The following TNFAIP3 variants were observed in gnomAD, a reference collection of about 807,000 sequenced individuals.
TNFAIP3 encodes tumor necrosis factor alpha-induced protein 3.
TNFAIP3 carries 9 observed loss-of-function variants against 72.4 expected under a neutral mutation model. That is an observed-to-expected ratio of 0.12 (90% CI 0.07 to 0.22). TNFAIP3 has a LOEUF of 0.22. Among genes scored for constraint, TNFAIP3 ranks in the 10% least tolerant of loss-of-function variants. The pLI is 1.00. For synonymous variants in TNFAIP3, 339 were observed against 372.6 expected, an observed-to-expected ratio of 0.91 and a Z score of 1.04; for missense variants, 833 against 1,018.7, an observed-to-expected ratio of 0.82 and a Z score of 2.48.
Position 137,867,619 on chromosome 6 carries a change from A to AC in TNFAIP3, c.-16+82dup, listed in dbSNP as rs1216349863. On this transcript the variant is annotated intron_variant, in intron 1 of 8. Transcript: ENST00000612899. The surrounding 1 kb of genome is among the most constrained non-coding windows in gnomAD (Gnocchi z 6.0). ...GGCTGCGGGTGCATGTTGGGCAGCG[A>AC]CCCCCGGGCTGGCACCGTCTACCTG... is the stretch of plus-strand genomic sequence containing the variant. 2.6e-5 allele frequency: 4 copies of AC among 152,092 alleles called. No individual in the cohort carries two copies. Among genetic ancestry groups the AC allele is most frequent in the Non-Finnish European group, 5.9e-5 (4 of 68,182 alleles). 9.4% of individuals were successfully genotyped at this position (152,092 alleles called of 1,614,324 possible). A position where few individuals can be genotyped will look rare whatever the true frequency, so the allele number is the denominator to read the frequency against.
rs536429885 is a variant in TNFAIP3 at position 137,881,628 on chromosome 6, C to T, written c.*309C>T. 5.4e-4 allele frequency: 185 copies of T among 341,404 alleles called. 1 individual carries two copies. The Middle Eastern group carries it at 7.4e-3, about 14-fold the overall frequency. The allele number at this position is 341,404 out of a possible 1,614,324, so 21.1% of individuals were successfully genotyped here. A position where few individuals can be genotyped will look rare whatever the true frequency, so the allele number is the denominator to read the frequency against. ...TTTGGACTTGGAAGGTGTGCGGGGA[C>T]TGGCCGAGGCCCCTGCACCCTGCGC... On this transcript the variant is annotated 3_prime_UTR_variant, in exon 9 of 9. Coordinates refer to ENST00000612899, the MANE Select transcript of TNFAIP3 (RefSeq NM_001270508.2). The surrounding 1 kb of genome is among the most constrained non-coding windows in gnomAD (Gnocchi z 5.0).
At position 137,871,062 on chromosome 6, in the gene TNFAIP3, A is replaced by C; in HGVS notation, c.-15-151A>C. The C allele has an allele frequency of 7.9e-6, 5 of 630,150 alleles. No homozygotes were observed. The highest frequency in any genetic ancestry group is 1.1e-5 in the Non-Finnish European group (4 of 372,238). 39.0% of individuals were successfully genotyped at this position (630,150 alleles called of 1,614,324 possible). ...TGTGAGTTAATCTCTGGGGCCAGCT[A>C]GTATCCCGGGAGTAGAGGTGCTAAG... On this transcript the variant is annotated intron_variant, in intron 1 of 8. Coordinates refer to ENST00000612899, the MANE Select transcript of TNFAIP3 (RefSeq NM_001270508.2). The surrounding 1 kb of genome is among the most constrained non-coding windows in gnomAD (Gnocchi z 4.2).
chr6:137,875,524 C>T (rs370763021), intron 3 of TNFAIP3, among the ~76,000 whole-genome samples, 164 bp from the exon 4 acceptor site: 8 of 151,628 alleles, frequency 5.3e-5, no homozygotes, highest in East Asian at 1.9e-4. Context: ...GGAAGAAAAC[C>T]GAAATGGGGA....
At position 137,878,677 on chromosome 6, in the gene TNFAIP3, G is replaced by A. The variant is rs587778713; in HGVS notation, c.1232G>A (p.Arg411Gln). ...TTATGCCATGAGTGCTCAGAGAGGC[G>A]GCAAAAGAATCAAAACAAACTCCCA... is the stretch of plus-strand genomic sequence containing the variant. The part of the protein sequence containing the change: ...QPLCHECSER[R>Q]QKNQNKLPKL... Residue 411 changes from arginine (R) to glutamine (Q), a missense_variant, in exon 7 of 9, where the codon CGG becomes CAG. Physicochemically the swap from Arg to Gln is conservative, Grantham distance 43 (BLOSUM62 1). This residue lies in a region of TNFAIP3 where 587 missense variants were observed against 657.8 expected (regional missense o/e 0.89). Coordinates refer to ENST00000612899, the MANE Select transcript of TNFAIP3 (RefSeq NM_001270508.2). 78 of 1,613,984 alleles carry A rather than the reference G, an allele frequency of 4.8e-5. No individual in the cohort carries two copies. The highest frequency in any genetic ancestry group is 2.9e-4 in the South Asian group (26 of 91,082).
In TNFAIP3 at chr6:137,876,401, G is replaced by C. The variant is rs149048987; in HGVS notation, c.805+235G>C. The C allele has an allele frequency of 3.6e-3, 1,608 of 448,874 alleles. 19 individuals carry two copies. Among genetic ancestry groups the C allele is most frequent in the African/African-American group, 0.028 (1,387 of 49,986 alleles). 27.8% of individuals were successfully genotyped at this position (448,874 alleles called of 1,614,324 possible). A position where few individuals can be genotyped will look rare whatever the true frequency, so the allele number is the denominator to read the frequency against. On this transcript the variant is annotated intron_variant, in intron 5 of 8. Coordinates refer to ENST00000612899, the MANE Select transcript of TNFAIP3 (RefSeq NM_001270508.2). Reference sequence around the variant, plus strand: ...TACATGATAAATTAAGGCGCACAGTGCTCTTAATACAGTGCCTGGTATGGA... The same window carrying C: ...TACATGATAAATTAAGGCGCACAGTCCTCTTAATACAGTGCCTGGTATGGA...
chr6:137,875,609 T>C (rs1159740546), intron 3 of TNFAIP3, 79 bp from the exon 4 acceptor site: 5 of 1,490,628 alleles, frequency 3.4e-6, no homozygotes, highest in African/African-American at 1.4e-5. Flanking sequence ...TGAATAATTG[T>C]AGAGTGATGT....
At chr6:137,872,977 A>G (rs1466636561) in intron 2 of TNFAIP3, among the ~76,000 whole-genome samples, 1 of 152,188 alleles carries the variant, frequency 6.6e-6, no homozygotes, top group Non-Finnish European at 1.5e-5. Flanking sequence ...ACTAGAAAAA[A>G]AAAAGGAATA....
At chr6:137,875,450 T>A (rs61249575) in intron 3 of TNFAIP3, among the ~76,000 whole-genome samples, 8,231 of 152,224 alleles carry the variant, frequency 0.054, 279 homozygotes, top group African/African-American at 0.086. Flanking sequence ...GATTTTTTTT[T>A]AAAGCAGGTG....
Position 137,878,818 on chromosome 6 carries a change from A to C in TNFAIP3, c.1373A>C (p.His458Pro). 6.2e-7 allele frequency: 1 copy of C among 1,614,104 alleles called. No homozygotes were observed. The highest frequency in any genetic ancestry group is 8.5e-7 in the Non-Finnish European group (1 of 1,180,024). ...WNPEESTGGP[H>P]SAPPTAPSPF... Reference sequence around the variant, plus strand: ...CCTGAGGAGTCCACTGGGGGGCCTCATTCGGCCCCACCGACAGCACCCAGC... The same window carrying C: ...CCTGAGGAGTCCACTGGGGGGCCTCCTTCGGCCCCACCGACAGCACCCAGC... The change falls in exon 7 of 9, where the codon CAT (histidine) becomes CCT (proline). Residue 458 changes from histidine (H) to proline (P), a missense_variant. Physicochemically the swap from His to Pro is moderately conservative, Grantham distance 77. Around this residue, in one of 2 missense-constraint regions of TNFAIP3, gnomAD observed 587 missense variants for 657.8 expected, o/e 0.89. Coordinates refer to ENST00000612899, the MANE Select transcript of TNFAIP3 (RefSeq NM_001270508.2).
rs2114498711 is a variant in TNFAIP3 at position 137,878,711 on chromosome 6, C to T, written c.1266C>T (p.Asn422=). The part of the protein sequence containing the change: ...QKNQNKLPKL[N]SKPGPEGLPG... Reference sequence around the variant, plus strand: ...ATCAAAACAAACTCCCAAAGCTGAACTCCAAGCCGGGCCCTGAGGGGCTCC... The same window carrying T: ...ATCAAAACAAACTCCCAAAGCTGAATTCCAAGCCGGGCCCTGAGGGGCTCC... The change falls in exon 7 of 9, where the codon AAC becomes AAT. Residue 422 remains asparagine (N), a synonymous_variant. Coordinates refer to ENST00000612899, the MANE Select transcript of TNFAIP3 (RefSeq NM_001270508.2). 6.2e-7 allele frequency: 1 copy of T among 1,614,128 alleles called. No homozygotes were observed. The highest frequency in any genetic ancestry group is 2.2e-5 in the East Asian group (1 of 44,874).
chr6:137,880,086 C>T lies in TNFAIP3; in HGVS notation c.1922C>T (p.Ser641Leu). 1 of 1,614,092 alleles carries T rather than the reference C, an allele frequency of 6.2e-7. No homozygotes were observed. The highest frequency in any genetic ancestry group is 1.1e-5 in the South Asian group (1 of 91,070). The part of the protein sequence containing the change: ...YRENKHFAAA[S>L]GKVSPTASRF... ...TCTCATGTAGATTTTGCTGCTGCCT[C>T]AGGGAAAGTCAGTCCCACAGCGTCC... The change falls in exon 8 of 9, where the codon TCA becomes TTA. Residue 641 changes from serine to leucine, a missense_variant. Ser to Leu is a moderately radical substitution (Grantham distance 145). Coordinates refer to ENST00000612899, the MANE Select transcript of TNFAIP3 (RefSeq NM_001270508.2).
intron 6 of TNFAIP3, among the ~76,000 whole-genome samples, chr6:137,877,458 G>C (rs921804551): frequency 2.6e-5 from 4 of 152,202 alleles, no homozygotes; most frequent in African/African-American, 7.2e-5. Context: ...ATCAAAACAT[G>C]TCATTTATCC....
chr6:137,877,384 C>A, intron 6 of TNFAIP3, 128 bp downstream of exon 6: 1 of 714,478 alleles, frequency 1.4e-6, no homozygotes, highest in Non-Finnish European at 2.2e-6. Context: ...CAATGGGAAA[C>A]AAATTCAGAG....
chr6:137,876,930 GT>G (rs1776270735), intron 5 of TNFAIP3, 145 bp from the exon 6 acceptor site: 1 of 587,350 alleles, frequency 1.7e-6, no homozygotes, highest in African/African-American at 1.9e-5. Flanking sequence ...AGCACATTTT[GT>G]TTTCCCATTT....
At chr6:137,872,872 C>T (rs897038519) in intron 2 of TNFAIP3, among the ~76,000 whole-genome samples, 1 of 151,802 alleles carries the variant, frequency 6.6e-6, no homozygotes, top group Admixed American at 6.6e-5. Context: ...AAAGATTCTG[C>T]TGAATTAAAA....
rs1209684809 is a variant in TNFAIP3 at position 137,881,220 on chromosome 6, C to A, written c.2274C>A (p.Pro758=). 2 of 1,611,326 alleles carry A rather than the reference C, an allele frequency of 1.2e-6. No individual in the cohort carries two copies. The highest frequency in any genetic ancestry group is 1.7e-6 in the Non-Finnish European group (2 of 1,178,998). ...GTGAGCCTGCCCCCGAAGACCCCCC[C>A]AAGCAGCGTTGCCGGGCCCCCGCCT... ...HRGEPAPEDP[P]KQRCRAPACD... The change falls in exon 9 of 9, where the codon CCC becomes CCA. Residue 758 remains proline, a synonymous_variant. Coordinates refer to ENST00000612899, the MANE Select transcript of TNFAIP3 (RefSeq NM_001270508.2). This position sits in a 1 kb window ranked among gnomAD's most constrained non-coding sequence, Gnocchi z 5.0.
chr6:137,870,635 A>T (rs983304942), intron 1 of TNFAIP3, among the ~76,000 whole-genome samples: 17 of 152,372 alleles, frequency 1.1e-4, no homozygotes, highest in African/African-American at 4.1e-4. Context: ...AGGAAACACC[A>T]ACCAGCAGCC....
intron 5 of TNFAIP3, 79 bp from the exon 6 acceptor site, chr6:137,876,997 A>G (rs757760722): frequency 1.4e-5 from 16 of 1,177,856 alleles, no homozygotes; most frequent in Non-Finnish European, 1.9e-5. Context: ...TCTTTTATAC[A>G]TTTTCAAAAT....
Position 137,879,033 on chromosome 6 carries a change from A to G in TNFAIP3, c.1588A>G (p.Arg530Gly). ...CCAAGCCTGCCTCCAGGATGTTACC[A>G]GGACATTTAATGGGATCTGCAGTAC... Reference protein sequence around the residue: ...KCQACLQDVTRTFNGICSTCF... With the variant: ...KCQACLQDVTGTFNGICSTCF... The change falls in exon 7 of 9, where the codon AGG becomes GGG. Residue 530 changes from arginine to glycine, a missense_variant. By Grantham distance (125) the Arg-to-Gly change is moderately radical (BLOSUM62 -2). Around this residue, in one of 2 missense-constraint regions of TNFAIP3, gnomAD observed 587 missense variants for 657.8 expected, o/e 0.89. Coordinates refer to ENST00000612899, the MANE Select transcript of TNFAIP3 (RefSeq NM_001270508.2). 1 of 1,614,220 alleles carries G rather than the reference A, an allele frequency of 6.2e-7. No individual in the cohort carries two copies. Among genetic ancestry groups the G allele is most frequent in the Non-Finnish European group, 8.5e-7 (1 of 1,180,038 alleles).
Sources: gnomAD v4.1 joint callset for allele counts (sites outside exome capture counted in the v4.1 genomes callset) on GRCh38, gnomAD v4.1.1 for gene constraint, gnomAD v4.1.1 regional missense constraint, Gnocchi (gnomAD v3.1) non-coding constraint, MANE v1.5 for transcripts, NCBI Gene and HGNC (gene_info 2026-07-23, HGNC 2026-07-21) for gene names.